The following LARP7 variants were observed in gnomAD, a reference collection of about 807,000 sequenced individuals.
The protein encoded by LARP7 is La ribonucleoprotein 7, transcriptional regulator, also known as la-related protein 7.
A neutral mutation model predicts 69.3 loss-of-function variants in LARP7; 52 were observed. The ratio of observed to expected loss-of-function variants is 0.75; its 90% CI spans 0.60 to 0.95. The LOEUF (loss-of-function observed/expected upper bound fraction) is 0.95, where lower values mean the gene tolerates loss of function less well. LARP7 is among the 40% of genes least tolerant of loss of function. The probability of loss-of-function intolerance (pLI) is 0.00; values close to 1 mark genes in which losing one functional copy is unlikely to be tolerated. For missense variants in LARP7, 733 were observed against 673.0 expected, an observed-to-expected ratio of 1.09 and a Z score of -0.99; for synonymous variants, 254 against 215.9, an observed-to-expected ratio of 1.18 and a Z score of -1.55.
intron 12 of LARP7, among the ~76,000 whole-genome samples, chr4:112,655,697 G>A (rs552680372): frequency 5.1e-4 from 77 of 152,310 alleles, no homozygotes; most frequent in African/African-American, 1.5e-3. Context: ...AAACAATATA[G>A]TTTAGGTGAT....
chr4:112,646,658 GCA>G lies in LARP7; in HGVS notation c.377_378del (p.Thr126SerfsTer11), dbSNP rs746835434. 8.1e-6 allele frequency: 13 copies of G among 1,604,826 alleles called. No homozygotes were observed. Among genetic ancestry groups the G allele is most frequent in the South Asian group, 2.2e-5 (2 of 89,438 alleles). ...GAAAGACCAAAGGATGAGGATGAAC[GCA>G]CAGTGTATGTGGTAAGCTTAAGAAC... On this transcript the variant is annotated frameshift_variant, in exon 4 of 13. Transcript: ENST00000344442. LOFTEE classifies it high-confidence loss of function.
intron 1 of LARP7, chr4:112,644,328 TG>T (rs1235956208): frequency 3.0e-6 from 1 of 328,428 alleles, no homozygotes; most frequent in Non-Finnish European, 5.4e-6. Flanking sequence ...GGTGTTGCGA[TG>T]GAGAGTGTCC....
At position 112,647,502 on chromosome 4, in the gene LARP7, A is replaced by T. The variant is rs375697987; in HGVS notation, c.950A>T (p.Gln317Leu). Reference protein sequence around the residue: ...APRSKVKKIIQKDIIKEASEA... With the variant: ...APRSKVKKIILKDIIKEASEA... ...CGATCAAAAGTAAAGAAAATTATTC[A>T]GAAAGACATCATTAAGGAAGCATCA... The change falls in exon 7 of 13, where the codon CAG (glutamine) becomes CTG (leucine). Residue 317 changes from glutamine (Q) to leucine (L), a missense_variant. Gln to Leu is a moderately radical substitution (Grantham distance 113). Coordinates refer to ENST00000344442, the MANE Select transcript of LARP7 (RefSeq NM_016648.4). 273 of 1,613,292 alleles carry T rather than the reference A, an allele frequency of 1.7e-4. No individual in the cohort carries two copies. Among genetic ancestry groups the T allele is most frequent in the Non-Finnish European group, 2.1e-4 (253 of 1,179,690 alleles).
chr4:112,654,187 A>G (rs1361632604), intron 12 of LARP7, 28 bp downstream of exon 12: 3 of 1,519,534 alleles, frequency 2.0e-6, no homozygotes, highest in Non-Finnish European at 2.7e-6. Context: ...GTTTTTTTAG[A>G]CTAAACTTTC....
chr4:112,644,397 A>G, intron 1 of LARP7: 1 of 772,586 alleles, frequency 1.3e-6, no homozygotes, highest in Non-Finnish European at 1.8e-6. Context: ...TTAGTGAGAT[A>G]AAGGTGTAAT....
intron 2 of LARP7, chr4:112,645,534 C>CT (rs756972309): frequency 6.4e-5 from 29 of 456,026 alleles, no homozygotes; most frequent in Non-Finnish European, 1.1e-4. Flanking sequence ...GAGGCAAGGT[C>CT]TATCTTTTTT....
intron 11 of LARP7, 23 bp from the exon 12 acceptor site, chr4:112,654,045 C>T (rs771270810): frequency 1.3e-6 from 2 of 1,546,464 alleles, no homozygotes; most frequent in Admixed American, 1.7e-5. Context: ...TTTCATCCAT[C>T]AGAGTCTTTG....
chr4:112,644,008 G>A (rs1331126876), intron 1 of LARP7, among the ~76,000 whole-genome samples: 3 of 151,886 alleles, frequency 2.0e-5, no homozygotes, highest in Non-Finnish European at 2.9e-5. Flanking sequence ...TTTGGGAGGC[G>A]GAGGCGGGCA....
intron 12 of LARP7, among the ~76,000 whole-genome samples, chr4:112,655,893 A>G (rs1261990939): frequency 6.6e-6 from 1 of 152,194 alleles, no homozygotes. Context: ...AGAGACCGGA[A>G]GGGAAGACTG....
chr4:112,656,390 T>A (rs2048955754), intron 12 of LARP7, among the ~76,000 whole-genome samples: 1 of 152,102 alleles, frequency 6.6e-6, no homozygotes, highest in South Asian at 2.1e-4. Flanking sequence ...AGAGCAAGAC[T>A]CTGTCTCAAA....
chr4:112,638,740 T>C (rs762820226), intron 1 of LARP7, among the ~76,000 whole-genome samples: 2 of 152,248 alleles, frequency 1.3e-5, no homozygotes, highest in African/African-American at 2.4e-5. Flanking sequence ...TACTCAATGA[T>C]GTACTTACTC....
intron 1 of LARP7, among the ~76,000 whole-genome samples, chr4:112,642,092 T>A (rs1486555364): frequency 1.3e-5 from 2 of 152,164 alleles, no homozygotes; most frequent in African/African-American, 4.8e-5. Context: ...TTGGAAGCTA[T>A]ATGAAGAAAA....
Position 112,653,251 on chromosome 4 carries a change from A to T in LARP7, c.1576+15A>T, listed in dbSNP as rs748237327. On this transcript the variant is annotated intron_variant, in intron 11 of 12. Transcript: ENST00000344442. The stretch of plus-strand genomic sequence containing the variant: ...GATCCTTTCTGGTAAAACTTCATAG[A>T]CGTTTCCTTTTTTTTTTGTTATCAT... The T allele has an allele frequency of 1.7e-5, 26 of 1,559,116 alleles. No individual in the cohort carries two copies. In the African/African-American group the frequency reaches 3.4e-4, roughly 20 times the overall value.
intron 1 of LARP7, chr4:112,644,413 A>G: frequency 4.1e-6 from 4 of 974,908 alleles, no homozygotes; most frequent in South Asian, 6.6e-5. Flanking sequence ...GTAATTTTTT[A>G]TATTATTCTA....
At position 112,649,665 on chromosome 4, in the gene LARP7, A is replaced by G. The variant is rs192907075; in HGVS notation, c.1273A>G (p.Thr425Ala). Reference protein sequence around the residue: ...METDSGVPQNTGMKNEKTANR... With the variant: ...METDSGVPQNAGMKNEKTANR... ...AACAGACAGTGGAGTACCTCAAAAC[A>G]CTGGAATGAAAAATGAAAAAAGTAA... The change falls in exon 9 of 13, where the codon ACT (threonine) becomes GCT (alanine). Residue 425 changes from threonine to alanine, a missense_variant. By Grantham distance (58) the Thr-to-Ala change is moderately conservative (BLOSUM62 0). Coordinates refer to ENST00000344442, the MANE Select transcript of LARP7 (RefSeq NM_016648.4). The G allele has an allele frequency of 1.9e-6, 3 of 1,595,826 alleles. No homozygotes were observed. The Admixed American group carries it at 5.4e-5, about 29-fold the overall frequency.
intron 1 of LARP7, among the ~76,000 whole-genome samples, chr4:112,639,505 C>T (rs1200765367): frequency 6.6e-6 from 1 of 151,842 alleles, no homozygotes; most frequent in Non-Finnish European, 1.5e-5. Flanking sequence ...GCTGGGATTA[C>T]AAGCGTGAGC....
chr4:112,654,214 C>A, intron 12 of LARP7, 55 bp downstream of exon 12: 1 of 1,235,110 alleles, frequency 8.1e-7, no homozygotes, highest in Non-Finnish European at 1.2e-6. Context: ...CGTTTAATGC[C>A]AAAGTCAGTA....
At chr4:112,644,944 TC>T (rs1278217807) in intron 2 of LARP7, 73 bp downstream of exon 2, 14 of 458,058 alleles carry the variant, frequency 3.1e-5, no homozygotes, top group South Asian at 9.5e-5. Context: ...AATAATATAT[TC>T]TTTTTTTTTT....
chr4:112,651,696 G>A (rs2048748680), intron 10 of LARP7, among the ~76,000 whole-genome samples: 1 of 152,126 alleles, frequency 6.6e-6, no homozygotes, highest in Non-Finnish European at 1.5e-5. Context: ...ACTGAGCTGT[G>A]TTGGTTACAA....
Sources: allele counts gnomAD v4.1 joint callset (sites outside exome capture counted in the v4.1 genomes callset), GRCh38; gene constraint gnomAD v4.1.1; transcripts MANE v1.5; gene names NCBI Gene and HGNC (gene_info 2026-07-23, HGNC 2026-07-21).